Variants in ERBB4 observed in about 807,000 individuals in gnomAD.
ERBB4 encodes receptor tyrosine-protein kinase erbB-4.
Under a neutral mutation model 158.0 loss-of-function variants are expected in ERBB4, and 42 were observed. The ratio of observed to expected loss-of-function variants is 0.27; its 90% CI spans 0.21 to 0.34. ERBB4 has a LOEUF of 0.34. Ranked by LOEUF, ERBB4 falls within the 10% of genes least tolerant of loss-of-function variation. The probability of loss-of-function intolerance (pLI) is 1.00; values close to 1 mark genes in which losing one functional copy is unlikely to be tolerated. For synonymous variants in ERBB4, 583 were observed against 558.7 expected, an observed-to-expected ratio of 1.04 and a Z score of -0.61; for missense variants, 1,333 against 1,624.1, an observed-to-expected ratio of 0.82 and a Z score of 3.08.
chr2:211,750,562 C>T (rs2075102347), intron 5 of ERBB4, 77 bp downstream of exon 5: 3 of 1,249,774 alleles, frequency 2.4e-6, no homozygotes, highest in South Asian at 2.4e-5. Context: ...TTTAGATGAC[C>T]AGAGGCATGA....
rs575271651 is a variant in ERBB4 at position 212,277,516 on chromosome 2, A to C, written c.83-152613T>G. On this transcript the variant is annotated intron_variant, in intron 1 of 27. Coordinates refer to ENST00000342788, the MANE Select transcript of ERBB4 (RefSeq NM_005235.3). The stretch of plus-strand genomic sequence containing the variant: ...TTTCAAGGGCCTAGTGTAGAGTCTG[A>C]AACAGTTTAATCCCAATAAATACCC... 2.0e-5 allele frequency among the ~76,000 whole-genome samples: 3 copies of C among 151,780 alleles called. No homozygotes were observed. The Admixed American group carries it at 2.0e-4, about 10-fold the overall frequency.
Position 212,016,444 on chromosome 2 carries a change from T to C in ERBB4, c.235-68828A>G, listed in dbSNP as rs542649192. ...AAAACTGTCTTAGATTGCATTATTC[T>C]GTAACATATTCATATCTAGCAGCTT... is the stretch of plus-strand genomic sequence containing the variant. On this transcript the variant is annotated intron_variant, in intron 2 of 27. Coordinates refer to ENST00000342788, the MANE Select transcript of ERBB4 (RefSeq NM_005235.3). Among the ~76,000 whole-genome samples, 390 of 152,310 alleles carry C rather than the reference T, an allele frequency of 2.6e-3. 1 individual carries two copies. Among genetic ancestry groups the C allele is most frequent in the African/African-American group, 9.0e-3 (374 of 41,584 alleles).
chr2:211,738,672 C>T (rs2074689867), intron 5 of ERBB4, among the ~76,000 whole-genome samples: 1 of 148,636 alleles, frequency 6.7e-6, no homozygotes, highest in Admixed American at 6.7e-5. Context: ...ACGCCCGGCC[C>T]TCTTTTTTTT....
intron 3 of ERBB4, among the ~76,000 whole-genome samples, chr2:211,861,018 ATATATATATAAATATAATATATT>A (rs1467598627): frequency 0.44 from 9,136 of 20,894 alleles, 2,098 homozygotes; most frequent in Non-Finnish European, 0.5. Flanking sequence ...TTATATATTT[ATATATATATAAATATAATATATT>A]TATATATTTA....
intron 3 of ERBB4, among the ~76,000 whole-genome samples, chr2:211,865,549 G>A (rs1309925321): frequency 1.3e-5 from 2 of 151,998 alleles, no homozygotes; most frequent in African/African-American, 4.8e-5. Context: ...GTGCAATGGC[G>A]TGACCTTGGC....
chr2:212,162,950 C>A (rs1158783234), intron 1 of ERBB4, among the ~76,000 whole-genome samples: 3 of 151,856 alleles, frequency 2.0e-5, no homozygotes, highest in East Asian at 1.9e-4. Flanking sequence ...CAAAAGATTT[C>A]TTTTTGTGTC....
intron 2 of ERBB4, among the ~76,000 whole-genome samples, chr2:212,120,831 A>G (rs1280733237): frequency 6.6e-6 from 1 of 152,224 alleles, no homozygotes; most frequent in Non-Finnish European, 1.5e-5. Flanking sequence ...AATGTAGATG[A>G]GAACTATGTC....
intron 12 of ERBB4, among the ~76,000 whole-genome samples, chr2:211,697,221 T>A (rs1231754339): frequency 6.6e-6 from 1 of 152,188 alleles, no homozygotes; most frequent in Non-Finnish European, 1.5e-5. Flanking sequence ...AGCTGATTTG[T>A]TAGCTGATCA....
intron 12 of ERBB4, among the ~76,000 whole-genome samples, chr2:211,687,304 CAAAAA>C (rs34737849): frequency 3.8e-5 from 4 of 106,186 alleles, no homozygotes; most frequent in Non-Finnish European, 5.7e-5. Context: ...GACTCCGTCT[CAAAAA>C]AAAAAAAAAA....
intron 5 of ERBB4, among the ~76,000 whole-genome samples, chr2:211,746,877 C>T (rs1338023788): frequency 6.6e-6 from 1 of 150,456 alleles, no homozygotes; most frequent in Non-Finnish European, 1.5e-5. Flanking sequence ...AGAAGAACAT[C>T]GTGTTTCTTA....
intron 16 of ERBB4, among the ~76,000 whole-genome samples, chr2:211,656,623 C>A (rs1300935669): frequency 2.0e-5 from 3 of 152,198 alleles, no homozygotes; most frequent in Non-Finnish European, 4.4e-5. Context: ...ATCTCCTTCC[C>A]TTTTCCAGTC....
At chr2:211,731,306 C>G (rs2074418932) in intron 5 of ERBB4, among the ~76,000 whole-genome samples, 1 of 152,044 alleles carries the variant, frequency 6.6e-6, no homozygotes, top group Non-Finnish European at 1.5e-5. Flanking sequence ...TATGCTGCCT[C>G]TATTCTATTT....
intron 3 of ERBB4, among the ~76,000 whole-genome samples, chr2:211,794,243 G>A (rs1164965464): frequency 6.6e-6 from 1 of 151,850 alleles, no homozygotes; most frequent in East Asian, 1.9e-4. Flanking sequence ...TCAGGTTTGA[G>A]TTCTAGCTCC....
intron 1 of ERBB4, among the ~76,000 whole-genome samples, chr2:212,358,676 G>T (rs2089561106): frequency 6.6e-6 from 1 of 151,668 alleles, no homozygotes; most frequent in Non-Finnish European, 1.5e-5. Flanking sequence ...CATGAAAAAT[G>T]ATAGAATAAC....
At position 212,030,869 on chromosome 2, in the gene ERBB4, G is replaced by A. The variant is rs151143650; in HGVS notation, c.235-83253C>T. 5.4e-4 allele frequency among the ~76,000 whole-genome samples: 82 copies of A among 152,164 alleles called. 1 individual carries two copies. The highest frequency in any genetic ancestry group is 3.7e-4 in the Non-Finnish European group (25 of 67,996). On this transcript the variant is annotated intron_variant, in intron 2 of 27. Transcript: ENST00000342788. Reference sequence around the variant, plus strand: ...TGGGTAGTTTGAAATTGAGCCAGCCGTCATGGTATTGTAAATACAGTACTA... The same window carrying A: ...TGGGTAGTTTGAAATTGAGCCAGCCATCATGGTATTGTAAATACAGTACTA...
intron 19 of ERBB4, among the ~76,000 whole-genome samples, chr2:211,580,139 G>C (rs540992600): frequency 6.6e-6 from 1 of 152,184 alleles, no homozygotes; most frequent in South Asian, 2.1e-4. Context: ...TTCATTTAGT[G>C]AATTAAAGCA....
intron 2 of ERBB4, among the ~76,000 whole-genome samples, chr2:211,999,615 C>T (rs1178854039): frequency 6.6e-6 from 1 of 151,714 alleles, no homozygotes; most frequent in Non-Finnish European, 1.5e-5. Flanking sequence ...GTAAAATCGG[C>T]ATGGGCACAA....
chr2:212,183,253 A>C (rs977879239), intron 1 of ERBB4, among the ~76,000 whole-genome samples: 1 of 152,016 alleles, frequency 6.6e-6, no homozygotes, highest in Non-Finnish European at 1.5e-5. Context: ...AATAAAAAAG[A>C]AAACACTTGA....
chr2:211,580,787 G>GAGATATATATATAT (rs2068044574), intron 19 of ERBB4, among the ~76,000 whole-genome samples: 1 of 67,724 alleles, frequency 1.5e-5, no homozygotes, highest in African/African-American at 5.1e-5. Flanking sequence ...AAGAAATTGT[G>GAGATATATATATAT]ATATATATAT....
Sources: allele counts gnomAD v4.1 joint callset (sites outside exome capture counted in the v4.1 genomes callset), GRCh38; gene constraint gnomAD v4.1.1; transcripts MANE v1.5; gene names NCBI Gene and HGNC (gene_info 2026-07-23, HGNC 2026-07-21).